The following ULK4 variants were observed in gnomAD, a reference collection of about 807,000 sequenced individuals.
ULK4 encodes the protein inactive serine/threonine-protein kinase ULK4.
In ULK4, 133 loss-of-function variants were observed where a neutral mutation model predicts 160.6. The ratio of observed to expected loss-of-function variants is 0.83; its 90% CI spans 0.72 to 0.96. The LOEUF (loss-of-function observed/expected upper bound fraction) is 0.96. Among genes scored for constraint, ULK4 ranks in the 40% least tolerant of loss-of-function variants. ULK4 has a pLI of 0.00. For missense variants in ULK4, 1,580 were observed against 1,499.5 expected, an observed-to-expected ratio of 1.05 and a Z score of -0.89; for synonymous variants, 534 against 539.8, an observed-to-expected ratio of 0.99 and a Z score of 0.15.
chr3:41,246,859 G>A lies in ULK4; in HGVS notation c.*70C>T. The A allele has an allele frequency of 6.4e-7, 1 of 1,557,284 alleles. No individual in the cohort carries two copies. Among genetic ancestry groups the A allele is most frequent in the Non-Finnish European group, 8.8e-7 (1 of 1,139,992 alleles). ...GTGAGGGGATGTGGCAAAGGTGTCT[G>A]GGAGCTGACCTTGCTTATGCATCCG... On this transcript the variant is annotated 3_prime_UTR_variant, in exon 37 of 37. Coordinates refer to ENST00000301831, the MANE Select transcript of ULK4 (RefSeq NM_017886.4).
chr3:41,715,163 C>A (rs1310249209), intron 25 of ULK4, 74 bp downstream of exon 25: 1 of 1,445,064 alleles, frequency 6.9e-7, no homozygotes, highest in Non-Finnish European at 9.6e-7. Flanking sequence ...TTACCTCATT[C>A]TGACATCAAA....
intron 32 of ULK4, among the ~76,000 whole-genome samples, chr3:41,489,521 T>A (rs542929135): frequency 6.6e-6 from 1 of 152,284 alleles, no homozygotes; most frequent in Admixed American, 6.5e-5. Flanking sequence ...AACAGTGCAA[T>A]GAACCAAGGT....
intron 7 of ULK4, among the ~76,000 whole-genome samples, chr3:41,917,567 C>T (rs1699012012): frequency 6.6e-6 from 1 of 152,124 alleles, no homozygotes; most frequent in South Asian, 2.1e-4. Flanking sequence ...TGTTTTACTA[C>T]ACTTGTGCCT....
At chr3:41,727,717 G>A (rs2037699527) in intron 22 of ULK4, among the ~76,000 whole-genome samples, 1 of 152,046 alleles carries the variant, frequency 6.6e-6, no homozygotes, top group Non-Finnish European at 1.5e-5. Flanking sequence ...GAGAAAGAGT[G>A]GCATGATCTG....
chr3:41,292,747 C>T (rs1330034056), intron 35 of ULK4, among the ~76,000 whole-genome samples: 4 of 151,774 alleles, frequency 2.6e-5, no homozygotes, highest in Non-Finnish European at 5.9e-5. Context: ...AATTTAAGAC[C>T]AGCCTGGCCA....
At chr3:41,712,907 C>CA (rs527495653) in intron 25 of ULK4, among the ~76,000 whole-genome samples, 137 of 150,112 alleles carry the variant, frequency 9.1e-4, no homozygotes, top group Middle Eastern at 6.8e-3. Context: ...AGAAAAAAAG[C>CA]AAAAAAACAA....
At chr3:41,791,955 G>A (rs971325945) in intron 20 of ULK4, among the ~76,000 whole-genome samples, 1 of 152,056 alleles carries the variant, frequency 6.6e-6, no homozygotes, top group Non-Finnish European at 1.5e-5. Context: ...TTATTCATTT[G>A]GAGATATCCA....
intron 31 of ULK4, among the ~76,000 whole-genome samples, chr3:41,585,368 G>A (rs1446513195): frequency 1.3e-5 from 2 of 152,074 alleles, no homozygotes; most frequent in Non-Finnish European, 2.9e-5. Context: ...ATAAACCTGC[G>A]CATATATGGC....
chr3:41,845,375 A>G (rs2042045900), intron 17 of ULK4, among the ~76,000 whole-genome samples: 2 of 152,332 alleles, frequency 1.3e-5, no homozygotes, highest in South Asian at 4.1e-4. Flanking sequence ...CCAACAACCT[A>G]GATGAATTTC....
At chr3:41,865,735 T>A (rs1471134982) in intron 17 of ULK4, among the ~76,000 whole-genome samples, 4 of 152,162 alleles carry the variant, frequency 2.6e-5, no homozygotes, top group Non-Finnish European at 4.4e-5. Flanking sequence ...AAAATTTTTT[T>A]AAATAAATTT....
At chr3:41,386,793 C>T (rs1373695533) in intron 35 of ULK4, among the ~76,000 whole-genome samples, 1 of 152,132 alleles carries the variant, frequency 6.6e-6, no homozygotes, top group African/African-American at 2.4e-5. Context: ...AAGTAGAGAG[C>T]TGATGTGTGG....
intron 31 of ULK4, among the ~76,000 whole-genome samples, chr3:41,595,030 G>A (rs1220545792): frequency 4.6e-5 from 7 of 152,226 alleles, no homozygotes; most frequent in African/African-American, 7.2e-5. Flanking sequence ...GAAGGGCAAT[G>A]AGTGCAGGAT....
At chr3:41,370,005 T>A (rs2081330421) in intron 35 of ULK4, among the ~76,000 whole-genome samples, 1 of 152,092 alleles carries the variant, frequency 6.6e-6, no homozygotes, top group Non-Finnish European at 1.5e-5. Flanking sequence ...GAAAAGTATA[T>A]CATGTTATTA....
intron 35 of ULK4, among the ~76,000 whole-genome samples, chr3:41,371,252 C>T (rs1371601712): frequency 1.3e-5 from 2 of 152,210 alleles, no homozygotes; most frequent in African/African-American, 4.8e-5. Flanking sequence ...CTTGCTGGGT[C>T]TGAAGAGAGC....
At chr3:41,901,685 G>C (rs867879399) in intron 12 of ULK4, among the ~76,000 whole-genome samples, 68 of 149,310 alleles carry the variant, frequency 4.6e-4, no homozygotes, top group Middle Eastern at 7.3e-3. Flanking sequence ...TCACCATGTT[G>C]GCCAGGCTGG....
intron 13 of ULK4, among the ~76,000 whole-genome samples, chr3:41,900,042 G>A (rs1250264157): frequency 6.6e-6 from 1 of 152,160 alleles, no homozygotes; most frequent in East Asian, 1.9e-4. Flanking sequence ...AGTGGAATGT[G>A]AGTATGTTGG....
chr3:41,571,851 T>C (rs1434984938), intron 31 of ULK4, among the ~76,000 whole-genome samples: 1 of 152,202 alleles, frequency 6.6e-6, no homozygotes, highest in East Asian at 1.9e-4. Context: ...GTCTACACTT[T>C]TGGTGCCCTG....
chr3:41,668,627 A>AC (rs1426392237), intron 29 of ULK4, among the ~76,000 whole-genome samples: 3 of 152,204 alleles, frequency 2.0e-5, no homozygotes, highest in Non-Finnish European at 4.4e-5. Flanking sequence ...CATTTCTCAG[A>AC]AGGTACTCCC....
At chr3:41,654,217 T>C (rs923528225) in intron 30 of ULK4, among the ~76,000 whole-genome samples, 5 of 152,232 alleles carry the variant, frequency 3.3e-5, no homozygotes, top group African/African-American at 1.2e-4. Context: ...CTAAATATAC[T>C]TATAAATTGT....
Sources: allele counts gnomAD v4.1 joint callset (sites outside exome capture counted in the v4.1 genomes callset), GRCh38; gene constraint gnomAD v4.1.1; transcripts MANE v1.5; gene names NCBI Gene and HGNC (gene_info 2026-07-23, HGNC 2026-07-21).